Variants in AKAP10 observed in about 807,000 individuals in gnomAD.
The protein encoded by AKAP10 is A-kinase anchoring protein 10, also known as A-kinase anchor protein 10, mitochondrial.
In AKAP10, 24 loss-of-function variants were observed where a neutral mutation model predicts 80.8. The ratio of observed to expected loss-of-function variants is 0.30; its 90% CI spans 0.22 to 0.42. The LOEUF (loss-of-function observed/expected upper bound fraction) is 0.42. Ranked by LOEUF, AKAP10 falls within the 10% of genes least tolerant of loss-of-function variation. The probability of loss-of-function intolerance (pLI) is 1.00; values close to 1 mark genes in which losing one functional copy is unlikely to be tolerated. For synonymous variants in AKAP10, 291 were observed against 277.7 expected (o/e 1.05, Z -0.48); for missense variants, 661 against 794.9 (o/e 0.83, Z 2.03).
chr17:19,948,547 CAAG>C (rs567829678), intron 4 of AKAP10, among the ~76,000 whole-genome samples: 88 of 152,088 alleles, frequency 5.8e-4, no homozygotes, highest in African/African-American at 1.9e-3. Flanking sequence ...ACTGCAGTCC[CAAG>C]AAGAAGAAGT....
At chr17:19,914,549 A>G (rs1164479472) in intron 12 of AKAP10, among the ~76,000 whole-genome samples, 1 of 144,728 alleles carries the variant, frequency 6.9e-6, no homozygotes, top group Non-Finnish European at 1.5e-5. Flanking sequence ...GGCTGAGGTG[A>G]GAGGATCATT....
chr17:19,914,601 C>A (rs1170023040), intron 12 of AKAP10, among the ~76,000 whole-genome samples: 16 of 137,530 alleles, frequency 1.2e-4, no homozygotes, highest in Admixed American at 2.4e-4. Flanking sequence ...GTGATTCCAG[C>A]CTGGGCAACA....
chr17:19,918,580 A>C (rs1317783795), intron 12 of AKAP10, among the ~76,000 whole-genome samples: 1 of 152,164 alleles, frequency 6.6e-6, no homozygotes, highest in Non-Finnish European at 1.5e-5. Context: ...CCAGCTTCCC[A>C]AAGTGCTAGG....
intron 4 of AKAP10, among the ~76,000 whole-genome samples, chr17:19,948,401 C>T (rs923861894): frequency 9.2e-5 from 14 of 152,100 alleles, no homozygotes; most frequent in Non-Finnish European, 1.8e-4. Context: ...GGGGCTCTCA[C>T]GGATCAAAGA....
rs1321932725 is a variant in AKAP10 at position 19,927,910 on chromosome 17, CA to C, written c.1642-3394del. Among the ~76,000 whole-genome samples the C allele has an allele frequency of 7.6e-4, 105 of 137,650 alleles. 1 individual carries two copies. Among genetic ancestry groups the C allele is most frequent in the Admixed American group, 5.0e-3 (67 of 13,440 alleles). The allele number at this position is 137,650 out of a possible 152,430, so 90.3% of individuals were successfully genotyped here. On this transcript the variant is annotated intron_variant, in intron 10 of 14. Coordinates refer to ENST00000225737, the MANE Select transcript of AKAP10 (RefSeq NM_007202.4). ...GGGCAACAAGAGCAAGACTCCTTCT[CA>C]AAAAAAAAAAGAAAAAAGAAAATCT...
chr17:19,951,618 CAT>C (rs2043215065), intron 4 of AKAP10, among the ~76,000 whole-genome samples: 1 of 152,036 alleles, frequency 6.6e-6, no homozygotes, highest in Non-Finnish European at 1.5e-5. Context: ...CTCTCTGAAA[CAT>C]GTGCTATTAC....
chr17:19,936,767 C>A (rs2042997248), intron 8 of AKAP10, among the ~76,000 whole-genome samples: 1 of 152,122 alleles, frequency 6.6e-6, no homozygotes, highest in Admixed American at 6.6e-5. Flanking sequence ...CTGTTGAGGA[C>A]TTGATAGATA....
intron 4 of AKAP10, 100 bp from the exon 5 acceptor site, chr17:19,947,605 T>A: frequency 1.2e-6 from 1 of 828,940 alleles, no homozygotes; most frequent in Non-Finnish European, 2.0e-6. Context: ...TGTGAGTTCC[T>A]ATTGCAAAAT....
intron 1 of AKAP10, 127 bp from the exon 2 acceptor site, chr17:19,968,588 G>A: frequency 1.3e-6 from 1 of 749,268 alleles, no homozygotes; most frequent in Non-Finnish European, 2.2e-6. Context: ...GACAGCCTTG[G>A]AGGAGGGCAC....
At chr17:19,906,860 G>C (rs1304202796) in intron 14 of AKAP10, among the ~76,000 whole-genome samples, 2 of 152,194 alleles carry the variant, frequency 1.3e-5, no homozygotes, top group Non-Finnish European at 2.9e-5. Context: ...TAAAATCATG[G>C]AATGAGGATT....
chr17:19,914,795 G>A (rs2042728000), intron 12 of AKAP10, among the ~76,000 whole-genome samples: 1 of 152,074 alleles, frequency 6.6e-6, no homozygotes, highest in Admixed American at 6.6e-5. Context: ...CCATGGCAGG[G>A]CTTGCCACAG....
chr17:19,912,839 G>A (rs922099659), intron 12 of AKAP10, among the ~76,000 whole-genome samples: 1 of 152,170 alleles, frequency 6.6e-6, no homozygotes, highest in South Asian at 2.1e-4. Context: ...GGAGAGAAAG[G>A]CAGAGGAAGG....
intron 4 of AKAP10, among the ~76,000 whole-genome samples, chr17:19,954,411 T>C (rs2043248779): frequency 6.6e-6 from 1 of 151,808 alleles, no homozygotes; most frequent in Admixed American, 6.6e-5. Flanking sequence ...ACAAAAAATC[T>C]GACGTAACCC....
At chr17:19,950,099 T>A (rs2043182596) in intron 4 of AKAP10, among the ~76,000 whole-genome samples, 1 of 152,054 alleles carries the variant, frequency 6.6e-6, no homozygotes, top group African/African-American at 2.4e-5. Flanking sequence ...GGTCAAGAGT[T>A]CAAGACCAGC....
chr17:19,921,020 C>A (rs2042807800), intron 11 of AKAP10, among the ~76,000 whole-genome samples: 1 of 148,138 alleles, frequency 6.8e-6, no homozygotes, highest in African/African-American at 2.5e-5. Flanking sequence ...TTTAACAAGT[C>A]ACTAATAAAA....
chr17:19,906,997 A>G (rs2042637700), intron 14 of AKAP10, among the ~76,000 whole-genome samples: 1 of 150,832 alleles, frequency 6.6e-6, no homozygotes. Flanking sequence ...AAACTCAGCT[A>G]GTTCTTCGAG....
chr17:19,946,263 A>T (rs1567765875), intron 5 of AKAP10, among the ~76,000 whole-genome samples: 4 of 27,206 alleles, frequency 1.5e-4, no homozygotes, highest in African/African-American at 6.3e-4. Context: ...ATATATATAT[A>T]TATATATATA....
At chr17:19,972,588 T>C (rs1307951039) in intron 1 of AKAP10, among the ~76,000 whole-genome samples, 1 of 152,110 alleles carries the variant, frequency 6.6e-6, no homozygotes, top group East Asian at 1.9e-4. Context: ...CCCAAGTAGC[T>C]GGGACTACAG....
intron 5 of AKAP10, among the ~76,000 whole-genome samples, chr17:19,946,399 A>T (rs1034511099): frequency 2.1e-5 from 3 of 142,666 alleles, no homozygotes; most frequent in African/African-American, 7.8e-5. Flanking sequence ...CTAGTTTCAA[A>T]TCCTGACTCT....
Sources: gnomAD v4.1 joint callset for allele counts (sites outside exome capture counted in the v4.1 genomes callset) on GRCh38, gnomAD v4.1.1 for gene constraint, MANE v1.5 for transcripts, NCBI Gene and HGNC (gene_info 2026-07-23, HGNC 2026-07-21) for gene names.